Variants in DIS3L2 observed in about 807,000 individuals in gnomAD.
DIS3L2 encodes DIS3-like exonuclease 2.
DIS3L2 carries 34 observed loss-of-function variants against 97.5 expected under a neutral mutation model. That is an observed-to-expected ratio of 0.35 (90% confidence interval 0.27 to 0.46). The LOEUF (loss-of-function observed/expected upper bound fraction) is 0.46. Ranked by LOEUF, DIS3L2 falls within the 20% of genes least tolerant of loss-of-function variation. The pLI is 1.00. For synonymous variants in DIS3L2, 435 were observed against 445.2 expected (o/e 0.98, Z 0.29); for missense variants, 1,038 against 1,146.0 (o/e 0.91, Z 1.36).
chr2:232,037,896 C>T lies in DIS3L2; in HGVS notation c.366+7816C>T, dbSNP rs1266382797. On this transcript the variant is annotated intron_variant, in intron 5 of 20. Coordinates refer to ENST00000325385, the MANE Select transcript of DIS3L2 (RefSeq NM_152383.5). This position sits in a 1 kb window ranked among gnomAD's most constrained non-coding sequence, Gnocchi z 4.6. ...GCTAACCAGTCCCAGTGAGATGAAC[C>T]AGGTACCTCAGTTGGAAATGCAGAA... is the stretch of plus-strand genomic sequence containing the variant. 6.6e-6 allele frequency among the ~76,000 whole-genome samples: 1 copy of T among 152,246 alleles called. No individual in the cohort carries two copies. The highest frequency in any genetic ancestry group is 2.4e-5 in the African/African-American group (1 of 41,462).
intron 13 of DIS3L2, among the ~76,000 whole-genome samples, chr2:232,270,860 GTCTCTCTC>G (rs71056262): frequency 0.17 from 17,958 of 103,368 alleles, 1,928 homozygotes; most frequent in Middle Eastern, 0.25. Context: ...TCTTTTTCTC[GTCTCTCTC>G]TCTCTCTCTC....
chr2:232,185,125 C>T (rs1574932570), intron 9 of DIS3L2, among the ~76,000 whole-genome samples: 1 of 152,168 alleles, frequency 6.6e-6, no homozygotes, highest in East Asian at 1.9e-4. Flanking sequence ...TTTCTAGGTG[C>T]TAACTCAGTA....
chr2:232,032,659 A>G (rs917185307), intron 5 of DIS3L2, among the ~76,000 whole-genome samples: 1 of 152,212 alleles, frequency 6.6e-6, no homozygotes, highest in Non-Finnish European at 1.5e-5. Flanking sequence ...CATTTAATCC[A>G]TCTTGAGTTA....
intron 9 of DIS3L2, among the ~76,000 whole-genome samples, chr2:232,190,638 GAA>G (rs886422762): frequency 1.3e-5 from 2 of 152,020 alleles, no homozygotes; most frequent in African/African-American, 4.8e-5. Flanking sequence ...GAAAGAGAAA[GAA>G]AGAGAGAAAG....
chr2:232,248,197 A>G lies in DIS3L2; in HGVS notation c.1318-1042A>G, dbSNP rs188369399. Among the ~76,000 whole-genome samples, 51 of 150,146 alleles carry G rather than the reference A, an allele frequency of 3.4e-4. 1 individual carries two copies. Among genetic ancestry groups the G allele is most frequent in the South Asian group, 6.9e-4 (3 of 4,336 alleles). On this transcript the variant is annotated intron_variant, in intron 11 of 20. Transcript: ENST00000325385. Reference sequence around the variant, plus strand: ...GTTCTGTTTCTGCCCGTAAAGAAACATAGTTTGCTGAATGTCCCTCAATTA... The same window carrying G: ...GTTCTGTTTCTGCCCGTAAAGAAACGTAGTTTGCTGAATGTCCCTCAATTA...
intron 13 of DIS3L2, among the ~76,000 whole-genome samples, chr2:232,342,236 CATACACAT>C (rs201678176): frequency 0.011 from 1,712 of 148,900 alleles, 32 homozygotes; most frequent in African/African-American, 0.04. Flanking sequence ...CATATATACA[CATACACAT>C]ATATACACAT....
chr2:232,315,824 G>T (rs920343831), intron 14 of DIS3L2, among the ~76,000 whole-genome samples: 1 of 152,180 alleles, frequency 6.6e-6, no homozygotes, highest in Non-Finnish European at 1.5e-5. Context: ...TTCCGCAGCT[G>T]CTCTGAAAGC....
Position 232,336,736 on chromosome 2 carries a change from CAG to C in DIS3L2, c.*107_*108del, listed in dbSNP as rs765620256. 4.5e-5 allele frequency: 67 copies of C among 1,492,978 alleles called. No homozygotes were observed. Among genetic ancestry groups the C allele is most frequent in the East Asian group, 2.2e-4 (9 of 40,568 alleles). 92.5% of individuals were successfully genotyped at this position (1,492,978 alleles called of 1,614,324 possible). On this transcript the variant is annotated 3_prime_UTR_variant, in exon 21 of 21. Transcript: ENST00000325385. ...GTTTTTAATTTGGTTTTTAACAACT[CAG>C]GGGTTTGTTTTTATTTTTATTTAAT...
At chr2:232,333,762 GC>G in intron 16 of DIS3L2, 77 bp from the exon 17 acceptor site, 167 of 1,452,344 alleles carry the variant, frequency 1.1e-4, no homozygotes, top group Admixed American at 6.5e-4. Context: ...CGACGGTGAG[GC>G]TGTGGGTGGT....
rs1697725067 is a variant in DIS3L2, at chr2:232,116,722, T to C, written c.602-13897T>C. On this transcript the variant is annotated intron_variant, in intron 6 of 20. Coordinates refer to ENST00000325385, the MANE Select transcript of DIS3L2 (RefSeq NM_152383.5). ...GAGAGGGAACTGACAGCTGCCCTAC[T>C]CTGGCTATAGAATGTCCGCCATTAA... Among the ~76,000 whole-genome samples, 5 of 152,320 alleles carry C rather than the reference T, an allele frequency of 3.3e-5. No individual in the cohort carries two copies. The South Asian group carries it at 1.0e-3, about 32-fold the overall frequency.
intron 10 of DIS3L2, among the ~76,000 whole-genome samples, 158 bp downstream of exon 10, chr2:232,210,563 T>G (rs932404071): frequency 1.3e-5 from 2 of 152,238 alleles, no homozygotes; most frequent in Admixed American, 6.5e-5. Context: ...TACAACTATG[T>G]GACCTTAAGA....
At chr2:231,966,641 A>ATTTT (rs36151054) in intron 1 of DIS3L2, among the ~76,000 whole-genome samples, 563 of 50,466 alleles carry the variant, frequency 0.011, 9 homozygotes, top group Middle Eastern at 0.022. Flanking sequence ...GTTAAAAAAC[A>ATTTT]TTTTTTTTTT....
downstream of DIS3L2, chr2:232,340,610 A>G (rs11688240): frequency 2.6e-3 from 1,167 of 453,258 alleles, 1 homozygote; most frequent in Non-Finnish European, 4.0e-3. Flanking sequence ...GGCAGCGCTC[A>G]GGGCATGGAT....
At chr2:232,170,555 A>T (rs1023126316) in intron 9 of DIS3L2, among the ~76,000 whole-genome samples, 4 of 152,196 alleles carry the variant, frequency 2.6e-5, no homozygotes, top group Non-Finnish European at 5.9e-5. Flanking sequence ...ACCATTACAA[A>T]TGTGAAACTT....
chr2:232,237,612 C>G (rs745963466), intron 10 of DIS3L2, among the ~76,000 whole-genome samples: 1 of 150,390 alleles, frequency 6.6e-6, no homozygotes, highest in Admixed American at 6.7e-5. Flanking sequence ...GATGAGAGCT[C>G]TGAAGAAAGA....
At chr2:232,196,537 G>T (rs570418337) in intron 9 of DIS3L2, among the ~76,000 whole-genome samples, 2 of 152,070 alleles carry the variant, frequency 1.3e-5, no homozygotes, top group African/African-American at 4.8e-5. Context: ...TTTGCCTCCA[G>T]GGGGAATATT....
At chr2:232,026,033 T>G (rs1574821111) in intron 4 of DIS3L2, among the ~76,000 whole-genome samples, 1 of 152,242 alleles carries the variant, frequency 6.6e-6, no homozygotes, top group Non-Finnish European at 1.5e-5. Flanking sequence ...TTGCTCTTAT[T>G]GATTGGTGTG....
At chr2:232,086,244 T>TAC (rs574801601) in intron 5 of DIS3L2, among the ~76,000 whole-genome samples, 4 of 151,502 alleles carry the variant, frequency 2.6e-5, no homozygotes, top group African/African-American at 9.7e-5. Context: ...TACGTATATA[T>TAC]ACACACGTAT....
chr2:232,202,571 G>C (rs1243525061), intron 9 of DIS3L2, among the ~76,000 whole-genome samples: 1 of 152,210 alleles, frequency 6.6e-6, no homozygotes, highest in Non-Finnish European at 1.5e-5. Flanking sequence ...ACTTGGTGTA[G>C]AATTCTGCTA....
Sources: allele counts gnomAD v4.1 joint callset (sites outside exome capture counted in the v4.1 genomes callset), GRCh38; gene constraint gnomAD v4.1.1; non-coding constraint Gnocchi (gnomAD v3.1); transcripts MANE v1.5; gene names NCBI Gene and HGNC (gene_info 2026-07-23, HGNC 2026-07-21).